PCDHGC4: variants seen among roughly 807,000 people sequenced by gnomAD.
PCDHGC4 encodes protocadherin gamma subfamily C, 4.
Under a neutral mutation model 59.7 loss-of-function variants are expected in PCDHGC4, and 15 were observed. That is an observed-to-expected ratio of 0.25 (90% CI 0.17 to 0.39). PCDHGC4 has a LOEUF of 0.39. Ranked by LOEUF, PCDHGC4 falls within the 10% of genes least tolerant of loss-of-function variation. The pLI, the probability that PCDHGC4 is intolerant of heterozygous loss-of-function variation, is 1.00. For missense variants in PCDHGC4, 1,016 were observed against 1,189.5 expected, an observed-to-expected ratio of 0.85 and a Z score of 2.15; for synonymous variants, 434 against 481.4, an observed-to-expected ratio of 0.90 and a Z score of 1.29.
intron 1 of PCDHGC4, among the ~76,000 whole-genome samples, chr5:141,492,148 G>C (rs2099737507): frequency 6.6e-6 from 1 of 152,202 alleles, no homozygotes; most frequent in Admixed American, 6.5e-5. Flanking sequence ...TGACTTCACT[G>C]TTACCCTCCC....
chr5:141,489,013 C>T lies in PCDHGC4; in HGVS notation c.2442+1398C>T, dbSNP rs533320646. ...AGGTGGGAGATCTGCTCTTCCAGCC[C>T]GCCTCTCCTCCTCCAGCTCCCCAGC... On this transcript the variant is annotated intron_variant, in intron 1 of 3. Coordinates refer to ENST00000306593, the MANE Select transcript of PCDHGC4 (RefSeq NM_018928.3). The surrounding 1 kb of genome is among the most constrained non-coding windows in gnomAD (Gnocchi z 4.5). 4.6e-5 allele frequency: 20 copies of T among 438,612 alleles called. No homozygotes were observed. Among genetic ancestry groups the T allele is most frequent in the East Asian group, 2.7e-4 (8 of 29,802 alleles). The allele number at this position is 438,612 out of a possible 1,614,324, so 27.2% of individuals were successfully genotyped here.
Position 141,487,544 on chromosome 5 carries a change from C to A in PCDHGC4, c.2371C>A (p.Pro791Thr). 1 of 1,614,190 alleles carries A rather than the reference C, an allele frequency of 6.2e-7. No homozygotes were observed. The highest frequency in any genetic ancestry group is 1.1e-5 in the South Asian group (1 of 91,088). The change falls in exon 1 of 4, where the codon CCC becomes ACC. Residue 791 changes from proline (P) to threonine (T), a missense_variant. Transcript: ENST00000306593. This position sits in a 1 kb window ranked among gnomAD's most constrained non-coding sequence, Gnocchi z 5.0. ...TGATAGCTTCATGATGGTGAAGTCA[C>A]CCAGTGCACCTATGGCAGGGGAGCC... is the stretch of plus-strand genomic sequence containing the variant. The part of the protein sequence containing the change: ...RSDSFMMVKS[P>T]SAPMAGEPVR...
chr5:141,491,138 C>T lies in PCDHGC4; in HGVS notation c.2442+3523C>T. The T allele has an allele frequency of 1.2e-6, 2 of 1,614,106 alleles. No individual in the cohort carries two copies. The highest frequency in any genetic ancestry group is 1.7e-6 in the Non-Finnish European group (2 of 1,179,962). On this transcript the variant is annotated intron_variant, in intron 1 of 3. Transcript: ENST00000306593. The surrounding 1 kb of genome is among the most constrained non-coding windows in gnomAD (Gnocchi z 6.9). ...ACTGGTGAGGTGCGCACAGCCCGGG[C>T]CTTACTGGAGGATGACTCTGACACC...
At position 141,511,262 on chromosome 5, in the gene PCDHGC4, G is replaced by A; in HGVS notation, c.*89G>A. 1 of 1,556,036 alleles carries A rather than the reference G, an allele frequency of 6.4e-7. No individual in the cohort carries two copies. The highest frequency in any genetic ancestry group is 8.7e-7 in the Non-Finnish European group (1 of 1,150,444). On this transcript the variant is annotated 3_prime_UTR_variant, in exon 4 of 4. Transcript: ENST00000306593. ...TGCACCCAGGCCTCAGAGTTTCAGG[G>A]CTAACCCCCAGAATACTGGTAGGGG...
At chr5:141,501,540 A>G (rs151047391) in intron 2 of PCDHGC4, among the ~76,000 whole-genome samples, 2 of 152,138 alleles carry the variant, frequency 1.3e-5, no homozygotes, top group East Asian at 3.9e-4. Flanking sequence ...GTTGTTGTGC[A>G]TAAGATCATA....
At position 141,487,444 on chromosome 5, in the gene PCDHGC4, T is replaced by G; in HGVS notation, c.2271T>G (p.Asp757Glu). 1 of 1,614,194 alleles carries G rather than the reference T, an allele frequency of 6.2e-7. No individual in the cohort carries two copies. The highest frequency in any genetic ancestry group is 8.5e-7 in the Non-Finnish European group (1 of 1,180,040). ...TCCTCCGAATCCAGCTAGGGTCAGA[T>G]GACCCTATCAAGTTTGTTGATGTGG... ...NGILRIQLGS[D>E]DPIKFVDVGG... Residue 757 changes from aspartate to glutamate, a missense_variant, in exon 1 of 4, where the codon GAT becomes GAG. Asp to Glu is a conservative substitution (Grantham distance 45). Transcript: ENST00000306593. This position sits in a 1 kb window ranked among gnomAD's most constrained non-coding sequence, Gnocchi z 5.0.
rs780241180 is a variant in PCDHGC4, at chr5:141,490,819, C to A, written c.2442+3204C>A. On this transcript the variant is annotated intron_variant, in intron 1 of 3. Transcript: ENST00000306593. The surrounding 1 kb of genome is among the most constrained non-coding windows in gnomAD (Gnocchi z 5.4). ...CCAGCGTACCTTTGACTATGAATTGCTGCAGATGCTGCAGATTGTGGTGGG... is the reference window on the plus strand; with the variant it reads ...CCAGCGTACCTTTGACTATGAATTGATGCAGATGCTGCAGATTGTGGTGGG... 3 of 1,613,842 alleles carry A rather than the reference C, an allele frequency of 1.9e-6. No individual in the cohort carries two copies. The highest frequency in any genetic ancestry group is 2.5e-6 in the Non-Finnish European group (3 of 1,179,804).
intron 2 of PCDHGC4, among the ~76,000 whole-genome samples, chr5:141,502,250 T>A (rs915754322): frequency 2.6e-5 from 4 of 152,242 alleles, no homozygotes; most frequent in East Asian, 3.8e-4. Context: ...TCCTTTTTTT[T>A]AATCCAGGAT....
chr5:141,491,726 C>T lies in PCDHGC4; in HGVS notation c.2443-3081C>T. On this transcript the variant is annotated intron_variant, in intron 1 of 3. Transcript: ENST00000306593. This position sits in a 1 kb window ranked among gnomAD's most constrained non-coding sequence, Gnocchi z 6.9. ...GTGAGGGGCTCGGCGCCGCCCCGGG[C>T]GACCCCTGGGGGCGGCACTGGAGAA... The T allele has an allele frequency of 6.2e-7, 1 of 1,605,884 alleles. No individual in the cohort carries two copies. Among genetic ancestry groups the T allele is most frequent in the East Asian group, 2.2e-5 (1 of 44,600 alleles).
Position 141,491,077 on chromosome 5 carries a change from T to TAGGA in PCDHGC4, c.2442+3462_2442+3463insAGGA, listed in dbSNP as rs752090443. 1.2e-6 allele frequency: 2 copies of TAGGA among 1,614,166 alleles called. No homozygotes were observed. Among genetic ancestry groups the TAGGA allele is most frequent in the Admixed American group, 3.3e-5 (2 of 60,014 alleles). On this transcript the variant is annotated intron_variant, in intron 1 of 3. Transcript: ENST00000306593. This position sits in a 1 kb window ranked among gnomAD's most constrained non-coding sequence, Gnocchi z 6.9. The stretch of plus-strand genomic sequence containing the variant: ...GCTCTCCTACTCACTGTTGCCACAG[T>TAGGA]CCACAGCCCCAGGACTGTTCCTCGT...
At chr5:141,502,480 AC>A (rs145333712) in intron 2 of PCDHGC4, among the ~76,000 whole-genome samples, 7,822 of 152,242 alleles carry the variant, frequency 0.051, 439 homozygotes, top group African/African-American at 0.14. Flanking sequence ...GCAGCATCAC[AC>A]TGGGACTCAT....
chr5:141,495,077 C>T (rs1237589417), intron 2 of PCDHGC4, among the ~76,000 whole-genome samples: 4 of 152,180 alleles, frequency 2.6e-5, no homozygotes, highest in African/African-American at 9.7e-5. Flanking sequence ...AATTCACATG[C>T]TTGCCCCTTC....
At chr5:141,505,106 G>A (rs934779049) in intron 2 of PCDHGC4, among the ~76,000 whole-genome samples, 1 of 152,188 alleles carries the variant, frequency 6.6e-6, no homozygotes, top group Non-Finnish European at 1.5e-5. Context: ...ATGTTGCAAT[G>A]AGCCAAGATC....
At chr5:141,494,364 G>A (rs1461560857) in intron 1 of PCDHGC4, among the ~76,000 whole-genome samples, 1 of 152,202 alleles carries the variant, frequency 6.6e-6, no homozygotes, top group African/African-American at 2.4e-5. Context: ...TGCAGAGGAT[G>A]CTTTGTTCCC....
chr5:141,505,614 A>G (rs2154593732), intron 3 of PCDHGC4, 133 bp downstream of exon 3: 1 of 1,510,758 alleles, frequency 6.6e-7, no homozygotes, highest in Non-Finnish European at 8.9e-7. Context: ...GTCTGAAAGG[A>G]CCCACAATTC....
chr5:141,490,688 CTG>C lies in PCDHGC4; in HGVS notation c.2442+3074_2442+3075del. 6.2e-7 allele frequency: 1 copy of C among 1,614,218 alleles called. No homozygotes were observed. On this transcript the variant is annotated intron_variant, in intron 1 of 3. Coordinates refer to ENST00000306593, the MANE Select transcript of PCDHGC4 (RefSeq NM_018928.3). This position sits in a 1 kb window ranked among gnomAD's most constrained non-coding sequence, Gnocchi z 5.4. ...ACTGTGGCTGCCTCAGATCCAGACA[CTG>C]GGGATAATGCCCGCCTCACCTACTC... is the stretch of plus-strand genomic sequence containing the variant.
At position 141,485,325 on chromosome 5, in the gene PCDHGC4, A is replaced by T; in HGVS notation, c.152A>T (p.Asp51Val). 6.2e-7 allele frequency: 1 copy of T among 1,614,078 alleles called. No homozygotes were observed. Among genetic ancestry groups the T allele is most frequent in the Non-Finnish European group, 8.5e-7 (1 of 1,180,014 alleles). ...ACTTTTGTAGGGAATGTCGCTCAAG[A>T]TTTCCTGCTGGATACGGACAGTCTG... is the stretch of plus-strand genomic sequence containing the variant. ...EGTFVGNVAQ[D>V]FLLDTDSLSA... Residue 51 changes from aspartate to valine, a missense_variant, in exon 1 of 4, where the codon GAT becomes GTT. By Grantham distance (152) the Asp-to-Val change is radical (BLOSUM62 -3). Coordinates refer to ENST00000306593, the MANE Select transcript of PCDHGC4 (RefSeq NM_018928.3). This position sits in a 1 kb window ranked among gnomAD's most constrained non-coding sequence, Gnocchi z 5.7.
At position 141,491,101 on chromosome 5, in the gene PCDHGC4, G is replaced by A. The variant is rs1270788252; in HGVS notation, c.2442+3486G>A. Reference sequence around the variant, plus strand: ...GTCCACAGCCCCAGGACTGTTCCTCGTGTCTACACACACTGGTGAGGTGCG... The same window carrying A: ...GTCCACAGCCCCAGGACTGTTCCTCATGTCTACACACACTGGTGAGGTGCG... On this transcript the variant is annotated intron_variant, in intron 1 of 3. Transcript: ENST00000306593. This position sits in a 1 kb window ranked among gnomAD's most constrained non-coding sequence, Gnocchi z 6.9. The A allele has an allele frequency of 8.1e-6, 13 of 1,614,102 alleles. No individual in the cohort carries two copies. In the East Asian group the frequency reaches 1.6e-4, roughly 19 times the overall value.
intron 2 of PCDHGC4, 69 bp from the exon 3 acceptor site, chr5:141,505,324 G>T: frequency 6.2e-7 from 1 of 1,607,102 alleles, no homozygotes; most frequent in African/African-American, 1.3e-5. Context: ...GGAGCCCTGG[G>T]AGAGGACAGG....
Sources: gnomAD v4.1 joint callset for allele counts (sites outside exome capture counted in the v4.1 genomes callset) on GRCh38, gnomAD v4.1.1 for gene constraint, Gnocchi (gnomAD v3.1) non-coding constraint, MANE v1.5 for transcripts, NCBI Gene and HGNC (gene_info 2026-07-23, HGNC 2026-07-21) for gene names.